The following GFM1 variants were observed in gnomAD, a reference collection of about 807,000 sequenced individuals.
The protein encoded by GFM1 is elongation factor G, mitochondrial.
In GFM1, 62 loss-of-function variants were observed where a neutral mutation model predicts 96.2. The observed-to-expected ratio is 0.64, with a 90% CI of 0.53 to 0.80. The LOEUF is 0.80. GFM1 is among the 30% of genes least tolerant of loss of function. GFM1 has a pLI of 0.00. For missense variants in GFM1, 852 were observed against 916.6 expected, an observed-to-expected ratio of 0.93 and a Z score of 0.91; for synonymous variants, 282 against 312.9, an observed-to-expected ratio of 0.90 and a Z score of 1.04.
intron 15 of GFM1, among the ~76,000 whole-genome samples, chr3:158,689,407 T>C (rs547679259): frequency 1.9e-4 from 29 of 152,244 alleles, no homozygotes; most frequent in Middle Eastern, 3.4e-3. Flanking sequence ...AATCAGGTGA[T>C]GAAATTGTTC....
intron 13 of GFM1, chr3:158,672,309 T>A: frequency 6.2e-7 from 1 of 1,608,702 alleles, no homozygotes; most frequent in Non-Finnish European, 8.5e-7. Context: ...GGGAGCGCAA[T>A]CCTGAAGCCT....
chr3:158,670,441 C>G (rs1455691699), intron 13 of GFM1, among the ~76,000 whole-genome samples: 1 of 141,596 alleles, frequency 7.1e-6, no homozygotes, highest in Non-Finnish European at 1.5e-5. Flanking sequence ...TTCAGACTGC[C>G]CTAAGAGTAT....
chr3:158,650,132 G>A lies in GFM1; in HGVS notation c.689+975G>A, dbSNP rs1722177225. The A allele has an allele frequency of 9.5e-6, 12 of 1,263,234 alleles. No homozygotes were observed. The South Asian group carries it at 1.3e-4, about 13-fold the overall frequency. 78.3% of individuals were successfully genotyped at this position (1,263,234 alleles called of 1,614,324 possible). A position where few individuals can be genotyped will look rare whatever the true frequency, so the allele number is the denominator to read the frequency against. On this transcript the variant is annotated intron_variant, in intron 5 of 17. Transcript: ENST00000486715. ...ATCAGCCATCTTGTAAGCAGGAAAAGGATGGAGTCTGTCCAGTGGATAAGG... is the reference window on the plus strand; with the variant it reads ...ATCAGCCATCTTGTAAGCAGGAAAAAGATGGAGTCTGTCCAGTGGATAAGG...
intron 14 of GFM1, among the ~76,000 whole-genome samples, chr3:158,683,240 T>C (rs1034416027): frequency 2.0e-5 from 3 of 152,300 alleles, no homozygotes; most frequent in Non-Finnish European, 2.9e-5. Context: ...TCCACTAAGA[T>C]TAATGTAGAT....
At chr3:158,669,674 T>C in intron 13 of GFM1, 1 of 1,462,078 alleles carries the variant, frequency 6.8e-7, no homozygotes, top group Admixed American at 2.0e-5. Context: ...TTATCATCTT[T>C]GAGATATGAT....
At position 158,667,926 on chromosome 3, in the gene GFM1, T is replaced by C. The variant is rs146277702; in HGVS notation, c.1601+1540T>C. Among the ~76,000 whole-genome samples, 73 of 152,362 alleles carry C rather than the reference T, an allele frequency of 4.8e-4. No individual in the cohort carries two copies. In the South Asian group the frequency reaches 0.012, roughly 25 times the overall value. On this transcript the variant is annotated intron_variant, in intron 13 of 17. Coordinates refer to ENST00000486715, the MANE Select transcript of GFM1 (RefSeq NM_024996.7). Reference sequence around the variant, plus strand: ...AAAAACAGATAGTTTCAGTATGGCATGACTATAGTAATTTGAACACAAAAC... The same window carrying C: ...AAAAACAGATAGTTTCAGTATGGCACGACTATAGTAATTTGAACACAAAAC...
At chr3:158,687,916 G>A (rs17631078) in intron 15 of GFM1, among the ~76,000 whole-genome samples, 17,117 of 152,050 alleles carry the variant, frequency 0.11, 1,235 homozygotes, top group South Asian at 0.22. Context: ...GCCACACTCA[G>A]CAAGAAAATC....
chr3:158,683,550 C>T (rs534676732), intron 14 of GFM1, among the ~76,000 whole-genome samples: 24 of 152,250 alleles, frequency 1.6e-4, no homozygotes, highest in African/African-American at 5.5e-4. Flanking sequence ...TTCTTACTGA[C>T]GTTTTGTAAC....
At chr3:158,675,025 A>G (rs530037940) in intron 13 of GFM1, among the ~76,000 whole-genome samples, 25 of 152,356 alleles carry the variant, frequency 1.6e-4, no homozygotes, top group African/African-American at 5.8e-4. Context: ...GCAGTGGCTC[A>G]CGCCTGTAAT....
intron 11 of GFM1, among the ~76,000 whole-genome samples, chr3:158,664,365 T>C (rs1245796894): frequency 6.6e-6 from 1 of 152,220 alleles, no homozygotes; most frequent in African/African-American, 2.4e-5. Flanking sequence ...TTCTGGAGGC[T>C]CTATGGGAGA....
intron 15 of GFM1, among the ~76,000 whole-genome samples, chr3:158,686,728 T>TTTG (rs1323577103): frequency 7.3e-6 from 1 of 137,874 alleles, no homozygotes; most frequent in African/African-American, 2.8e-5. Context: ...GAGGTTTTTT[T>TTTG]TTTTTTTTTT....
Position 158,692,414 on chromosome 3 carries a change from G to T in GFM1, c.*947G>T, listed in dbSNP as rs1188591947. 1 of 152,134 alleles carries T rather than the reference G, an allele frequency of 6.6e-6. No individual in the cohort carries two copies. The highest frequency in any genetic ancestry group is 6.6e-5 in the Admixed American group (1 of 15,258). 9.4% of individuals were successfully genotyped at this position (152,134 alleles called of 1,614,324 possible). On this transcript the variant is annotated 3_prime_UTR_variant, in exon 18 of 18. Transcript: ENST00000486715. ...TATTGTATTCACTGAGATTATGAAG[G>T]GACAAATGTTAATCTTTTGTTTCCA...
chr3:158,669,579 A>C, intron 13 of GFM1: 1 of 1,613,996 alleles, frequency 6.2e-7, no homozygotes, highest in Non-Finnish European at 8.5e-7. Flanking sequence ...TGAAGGGTAA[A>C]GTACTTCAGC....
intron 12 of GFM1, 79 bp from the exon 13 acceptor site, chr3:158,666,225 A>G: frequency 1.1e-6 from 1 of 920,020 alleles, no homozygotes; most frequent in African/African-American, 1.7e-5. Flanking sequence ...GAATGCTACT[A>G]AGATATATAA....
intron 13 of GFM1, among the ~76,000 whole-genome samples, chr3:158,681,755 T>C (rs1725400204): frequency 6.6e-6 from 1 of 152,224 alleles, no homozygotes; most frequent in African/African-American, 2.4e-5. Context: ...ACTTTTACTT[T>C]TTTATTTGTG....
At chr3:158,669,770 T>C (rs1411830985) in intron 13 of GFM1, among the ~76,000 whole-genome samples, 1 of 152,222 alleles carries the variant, frequency 6.6e-6, no homozygotes, top group African/African-American at 2.4e-5. Context: ...CCTGGCCTAT[T>C]AAATTCTAGA....
chr3:158,664,384 CCTT>C (rs777616331), intron 11 of GFM1, among the ~76,000 whole-genome samples: 17 of 152,272 alleles, frequency 1.1e-4, no homozygotes, highest in Non-Finnish European at 1.2e-4. Flanking sequence ...GAATTTCTCT[CCTT>C]CTTACTCAGG....
In GFM1 at chr3:158,655,433, G is replaced by A. The variant is rs1360649010; in HGVS notation, c.1083+802G>A. On this transcript the variant is annotated intron_variant, in intron 8 of 17. Transcript: ENST00000486715. ...TGGGAGGTGGAGGTTGCAGTGAGCC[G>A]AGATCGCACCACTGCACTCCAGCCT... is the stretch of plus-strand genomic sequence containing the variant. 6.0e-5 allele frequency among the ~76,000 whole-genome samples: 9 copies of A among 149,930 alleles called. 1 individual carries two copies. Among genetic ancestry groups the A allele is most frequent in the South Asian group, 4.2e-4 (2 of 4,732 alleles).
chr3:158,691,483 G>A lies in GFM1; in HGVS notation c.*16G>A, dbSNP rs981054409. ...CAAGAACTAACTTTGCTTACTGTGA[G>A]TTGACTGACTCTAATTGAATCTGCG... On this transcript the variant is annotated 3_prime_UTR_variant, in exon 18 of 18. Transcript: ENST00000486715. The A allele has an allele frequency of 4.3e-6, 7 of 1,612,698 alleles. No individual in the cohort carries two copies. Among genetic ancestry groups the A allele is most frequent in the Non-Finnish European group, 5.9e-6 (7 of 1,179,398 alleles).
Sources: allele counts gnomAD v4.1 joint callset (sites outside exome capture counted in the v4.1 genomes callset), GRCh38; gene constraint gnomAD v4.1.1; transcripts MANE v1.5; gene names NCBI Gene and HGNC (gene_info 2026-07-23, HGNC 2026-07-21).